The following IQCN variants were observed in gnomAD, a reference collection of about 807,000 sequenced individuals.
IQCN encodes the protein IQ domain-containing protein N.
IQCN carries 46 observed loss-of-function variants against 64.4 expected under a neutral mutation model. The ratio of observed to expected loss-of-function variants is 0.71; its 90% confidence interval spans 0.56 to 0.91. The LOEUF (loss-of-function observed/expected upper bound fraction) is 0.91. IQCN is among the 40% of genes least tolerant of loss of function. IQCN has a pLI of 0.00. For synonymous variants in IQCN, 733 were observed against 775.6 expected, an observed-to-expected ratio of 0.95 and a Z score of 0.91; for missense variants, 1,753 against 1,857.4, an observed-to-expected ratio of 0.94 and a Z score of 1.03.
rs931957387 is a variant in IQCN, at chr19:18,257,983, C to T, written c.3301G>A (p.Glu1101Lys). The T allele has an allele frequency of 3.1e-6, 5 of 1,612,350 alleles. No homozygotes were observed. The highest frequency in any genetic ancestry group is 3.3e-5 in the Admixed American group (2 of 59,998). ...KAVVPPRRSG[E>K]PMVSMQAAEE... ...GCAGCCTGCATGGACACCATTGGCT[C>T]CCCGGACCGCCTGGGAGGCACCACC... is the stretch of plus-strand genomic sequence containing the variant. The change falls in exon 4 of 4, where the codon GAG (glutamate) becomes AAG (lysine). Residue 1101 changes from glutamate to lysine, a missense_variant. Coordinates refer to ENST00000392413, the MANE Select transcript of IQCN (RefSeq NM_001145304.2).
At chr19:18,263,885 A>G (rs1207147015) in intron 3 of IQCN, among the ~76,000 whole-genome samples, 3 of 151,934 alleles carry the variant, frequency 2.0e-5, no homozygotes, top group Non-Finnish European at 4.4e-5. Flanking sequence ...TGCTGACCAC[A>G]TGTGGCCTGT....
intron 1 of IQCN, among the ~76,000 whole-genome samples, chr19:18,274,015 A>G (rs1215054986): frequency 6.6e-6 from 1 of 152,202 alleles, no homozygotes; most frequent in Non-Finnish European, 1.5e-5. Flanking sequence ...TCCTGCCCGT[A>G]ATCCAAGCAC....
rs570679686 is a variant in IQCN at position 18,266,306 on chromosome 19, T to G, written c.1234A>C (p.Thr412Pro). The change falls in exon 3 of 4, where the codon ACT becomes CCT. Residue 412 changes from threonine to proline, a missense_variant. Physicochemically the swap from Thr to Pro is conservative, Grantham distance 38. Transcript: ENST00000392413. This position sits in a 1 kb window ranked among gnomAD's most constrained non-coding sequence, Gnocchi z 4.3. ...GGGCATGTCTGCCGTGGGGTGCCAG[T>G]TCTGGAGGCTGTGGGGTGTACCTGG... The part of the protein sequence containing the change: ...KIQVHPTASR[T>P]GTPRQTCPAT... The G allele has an allele frequency of 1.5e-5, 24 of 1,613,570 alleles. No homozygotes were observed. In the East Asian group the frequency reaches 5.1e-4, roughly 34 times the overall value.
rs756846594 is a variant in IQCN, at chr19:18,265,698, C to T, written c.1842G>A (p.Ala614=). Reference sequence around the variant, plus strand: ...TGGTCTTAAATGCCATGTCTGTTTTCGCCTGTTTCTGGGTGCCAGTCTTGA... The same window carrying T: ...TGGTCTTAAATGCCATGTCTGTTTTTGCCTGTTTCTGGGTGCCAGTCTTGA... ...EKIKTGTQKQ[A]KTDMAFKTSV... The change falls in exon 3 of 4, where the codon GCG becomes GCA. Residue 614 remains alanine (A), a synonymous_variant. Transcript: ENST00000392413. The surrounding 1 kb of genome is among the most constrained non-coding windows in gnomAD (Gnocchi z 4.7). 1.1e-5 allele frequency: 17 copies of T among 1,614,088 alleles called. No homozygotes were observed. Among genetic ancestry groups the T allele is most frequent in the East Asian group, 2.2e-5 (1 of 44,892 alleles).
chr19:18,257,487 C>G lies in IQCN; in HGVS notation c.3797G>C (p.Arg1266Pro). The G allele has an allele frequency of 1.2e-6, 2 of 1,608,276 alleles. No homozygotes were observed. The highest frequency in any genetic ancestry group is 1.7e-6 in the Non-Finnish European group (2 of 1,177,646). ...CHTCGRTQPT[R>P]VVQGMGQGTE... ...GCCCTGGCCCATGCCCTGCACCACACGGGTGGGCTGTGTGCGTCCACAGGT... is the reference window on the plus strand; with the variant it reads ...GCCCTGGCCCATGCCCTGCACCACAGGGGTGGGCTGTGTGCGTCCACAGGT... The change falls in exon 4 of 4, where the codon CGT becomes CCT. Residue 1266 changes from arginine (R) to proline (P), a missense_variant. By Grantham distance (103) the Arg-to-Pro change is moderately radical. Transcript: ENST00000392413.
rs1239342575 is a variant in IQCN at position 18,266,972 on chromosome 19, T to C, written c.568A>G (p.Lys190Glu). 3.1e-6 allele frequency: 5 copies of C among 1,613,730 alleles called. No individual in the cohort carries two copies. The Admixed American group carries it at 8.3e-5, about 27-fold the overall frequency. Residue 190 changes from lysine to glutamate, a missense_variant, in exon 3 of 4, where the codon AAG (lysine) becomes GAG (glutamate). Coordinates refer to ENST00000392413, the MANE Select transcript of IQCN (RefSeq NM_001145304.2). This position sits in a 1 kb window ranked among gnomAD's most constrained non-coding sequence, Gnocchi z 4.3. The stretch of plus-strand genomic sequence containing the variant: ...TCACAGGAAGGGAACTGGGTCTCCT[T>C]GTTCACCATGATGGGCGGGGACAGA... ...RLLSPPIMVN[K>E]ETQFPSCDNL...
At chr19:18,269,168 G>GAAGGGAGGGAGA (rs397782243) in intron 2 of IQCN, among the ~76,000 whole-genome samples, 1 of 151,782 alleles carries the variant, frequency 6.6e-6, no homozygotes, top group African/African-American at 2.4e-5. Flanking sequence ...AGGGAGGGAG[G>GAAGGGAGGGAGA]GAAATTAAAG....
In IQCN at chr19:18,265,052, C is replaced by T. The variant is rs771370016; in HGVS notation, c.2488G>A (p.Gly830Ser). The change falls in exon 3 of 4, where the codon GGT becomes AGT. Residue 830 changes from glycine to serine, a missense_variant. Coordinates refer to ENST00000392413, the MANE Select transcript of IQCN (RefSeq NM_001145304.2). This position sits in a 1 kb window ranked among gnomAD's most constrained non-coding sequence, Gnocchi z 4.7. Reference sequence around the variant, plus strand: ...GGTGCCATCGGCGGCACCAGCATACCCTGGACCTCACAGGCTGCCGGGCAT... The same window carrying T: ...GGTGCCATCGGCGGCACCAGCATACTCTGGACCTCACAGGCTGCCGGGCAT... ...GPCPAACEVQ[G>S]MLVPPMAPTG... 9.4e-6 allele frequency: 15 copies of T among 1,600,854 alleles called. No homozygotes were observed. Among genetic ancestry groups the T allele is most frequent in the African/African-American group, 1.3e-5 (1 of 74,906 alleles).
intron 3 of IQCN, chr19:18,258,638 C>T (rs926897199): frequency 1.1e-5 from 4 of 349,860 alleles, no homozygotes; most frequent in South Asian, 6.4e-5. Context: ...TGGTCCCTGA[C>T]CTCTGAAGAA....
In IQCN at chr19:18,266,255, G is replaced by A; in HGVS notation, c.1285C>T (p.Pro429Ser). 1 of 1,613,928 alleles carries A rather than the reference G, an allele frequency of 6.2e-7. No individual in the cohort carries two copies. Among genetic ancestry groups the A allele is most frequent in the Non-Finnish European group, 8.5e-7 (1 of 1,179,898 alleles). The change falls in exon 3 of 4, where the codon CCT becomes TCT. Residue 429 changes from proline (P) to serine (S), a missense_variant. Coordinates refer to ENST00000392413, the MANE Select transcript of IQCN (RefSeq NM_001145304.2). This position sits in a 1 kb window ranked among gnomAD's most constrained non-coding sequence, Gnocchi z 4.3. ...ATGGAAGCCAGAAGGGAAACCTGAG[G>A]TCGGTTCTTTGCCGTGATGGTCGCA... is the stretch of plus-strand genomic sequence containing the variant. Reference protein sequence around the residue: ...CPATITAKNRPQVSLLASIMK... With the variant: ...CPATITAKNRSQVSLLASIMK...
chr19:18,258,221 A>C lies in IQCN; in HGVS notation c.3178-115T>G, dbSNP rs1001966084. The C allele has an allele frequency of 2.6e-6, 3 of 1,161,146 alleles. No homozygotes were observed. In the African/African-American group the frequency reaches 4.6e-5, roughly 18 times the overall value. 71.9% of individuals were successfully genotyped at this position (1,161,146 alleles called of 1,614,324 possible). On this transcript the variant is annotated intron_variant, in intron 3 of 3. Coordinates refer to ENST00000392413, the MANE Select transcript of IQCN (RefSeq NM_001145304.2). ...GGTTAAAAAGGGGTGGCAGGGAACCACTTGGGGAAGACTCATAGCCTAGAG... is the reference window on the plus strand; with the variant it reads ...GGTTAAAAAGGGGTGGCAGGGAACCCCTTGGGGAAGACTCATAGCCTAGAG...
In IQCN at chr19:18,265,868, C is replaced by CGG. The variant is rs763682459; in HGVS notation, c.1670_1671dup (p.Val558ProfsTer2). The CGG allele has an allele frequency of 6.2e-7, 1 of 1,614,192 alleles. No individual in the cohort carries two copies. Among genetic ancestry groups the CGG allele is most frequent in the South Asian group, 1.1e-5 (1 of 91,082 alleles). On this transcript the variant is annotated frameshift_variant, in exon 3 of 4. Coordinates refer to ENST00000392413, the MANE Select transcript of IQCN (RefSeq NM_001145304.2). LOFTEE classifies it high-confidence loss of function. This position sits in a 1 kb window ranked among gnomAD's most constrained non-coding sequence, Gnocchi z 4.7. ...ACCTTTGCAGCCTGCTTCACATTCA[C>CGG]GGTGGCCTTGGCCTTGGGTGGGTTC...
At chr19:18,263,304 C>T (rs1164493738) in intron 3 of IQCN, among the ~76,000 whole-genome samples, 1 of 152,138 alleles carries the variant, frequency 6.6e-6, no homozygotes, top group Non-Finnish European at 1.5e-5. Flanking sequence ...GTTCTCCTGA[C>T]TGTAGGTCAC....
At position 18,267,025 on chromosome 19, in the gene IQCN, C is replaced by A; in HGVS notation, c.515G>T (p.Arg172Leu). 6.2e-7 allele frequency: 1 copy of A among 1,614,220 alleles called. No homozygotes were observed. The highest frequency in any genetic ancestry group is 8.5e-7 in the Non-Finnish European group (1 of 1,180,036). The change falls in exon 3 of 4, where the codon CGC becomes CTC. Residue 172 changes from arginine to leucine, a missense_variant. By Grantham distance (102) the Arg-to-Leu change is moderately radical. Transcript: ENST00000392413. ...DIPYHAPQQV[R>L]FQHPEENRLL... ...GCGGTTCTCTTCCGGATGCTGGAAG[C>A]GCACCTGCTGTGGGGCGTGATAAGG...
At chr19:18,261,325 G>A (rs1969423649) in intron 3 of IQCN, 1 of 153,226 alleles carries the variant, frequency 6.5e-6, no homozygotes, top group Non-Finnish European at 1.5e-5. Context: ...GCCATAGATG[G>A]GTGAGCTAGG....
chr19:18,271,186 A>C (rs978341893), intron 1 of IQCN, among the ~76,000 whole-genome samples: 1 of 149,980 alleles, frequency 6.7e-6, no homozygotes, highest in Non-Finnish European at 1.5e-5. Context: ...AAAAAAAAAA[A>C]AAACCAGGCG....
chr19:18,272,932 A>G (rs1165472649), intron 1 of IQCN, among the ~76,000 whole-genome samples: 3 of 151,678 alleles, frequency 2.0e-5, no homozygotes, highest in East Asian at 2.0e-4. Context: ...CACTTTAAAC[A>G]AGACATAACG....
rs1267273500 is a variant in IQCN at position 18,257,228 on chromosome 19, TG to T, written c.4055del (p.Pro1352GlnfsTer?). The T allele has an allele frequency of 6.2e-7, 1 of 1,613,690 alleles. No individual in the cohort carries two copies. The highest frequency in any genetic ancestry group is 8.5e-7 in the Non-Finnish European group (1 of 1,180,032). ...GCCGTGAGCTGGCCGAGGGGTCTGCTGGTCCCAAGAGCGCCTCTGTGTTCTT... is the reference window on the plus strand; with the variant it reads ...GCCGTGAGCTGGCCGAGGGGTCTGCTGTCCCAAGAGCGCCTCTGTGTTCTT... ...CLKNTEALLG[P>X]ADPSASSRHM... is the part of the protein sequence containing the mutation. On this transcript the variant is annotated frameshift_variant, in exon 4 of 4. Transcript: ENST00000392413. LOFTEE classifies it low-confidence loss of function (END_TRUNC).
At position 18,265,098 on chromosome 19, in the gene IQCN, C is replaced by A; in HGVS notation, c.2442G>T (p.Gly814=). ...TQPQPHGHVP[G]KTTQGGPCPA... is the part of the protein sequence containing the mutation. The stretch of plus-strand genomic sequence containing the variant: ...GGCATGGTCCCCCCTGAGTGGTCTT[C>A]CCCGGCACGTGTCCGTGGGGCTGTG... Residue 814 remains glycine, a synonymous_variant, in exon 3 of 4, where the codon GGG becomes GGT. Transcript: ENST00000392413. The surrounding 1 kb of genome is among the most constrained non-coding windows in gnomAD (Gnocchi z 4.7). 1 of 1,602,570 alleles carries A rather than the reference C, an allele frequency of 6.2e-7. No individual in the cohort carries two copies. Among genetic ancestry groups the A allele is most frequent in the Non-Finnish European group, 8.5e-7 (1 of 1,179,696 alleles).
Sources: allele counts gnomAD v4.1 joint callset (sites outside exome capture counted in the v4.1 genomes callset), GRCh38; gene constraint gnomAD v4.1.1; non-coding constraint Gnocchi (gnomAD v3.1); transcripts MANE v1.5; gene names NCBI Gene and HGNC (gene_info 2026-07-23, HGNC 2026-07-21).